The following PTPRQ variants were observed in gnomAD, a reference collection of about 807,000 sequenced individuals.
PTPRQ encodes the protein phosphatidylinositol phosphatase PTPRQ.
PTPRQ carries 199 observed loss-of-function variants against 246.0 expected under a neutral mutation model. The ratio of observed to expected loss-of-function variants is 0.81; its 90% CI spans 0.72 to 0.91. The LOEUF is 0.91. PTPRQ is among the 40% of genes least tolerant of loss of function. PTPRQ has a pLI of 0.00. For synonymous variants in PTPRQ, 869 were observed against 853.2 expected (o/e 1.02, Z -0.32); for missense variants, 2,624 against 2,528.4 (o/e 1.04, Z -0.81).
intron 3 of PTPRQ, among the ~76,000 whole-genome samples, chr12:80,457,213 C>A (rs1893008214): frequency 6.6e-6 from 1 of 151,884 alleles, no homozygotes; most frequent in African/African-American, 2.4e-5. Flanking sequence ...TATACATGGT[C>A]TCTTGCATTT....
intron 9 of PTPRQ, among the ~76,000 whole-genome samples, chr12:80,492,115 C>CAGAAAAGA (rs1894469175): frequency 6.6e-6 from 1 of 151,786 alleles, no homozygotes; most frequent in South Asian, 2.1e-4. Context: ...TTTAAAAGTA[C>CAGAAAAGA]AGAAAAGAGT....
chr12:80,524,059 G>A (rs537905332), intron 17 of PTPRQ, among the ~76,000 whole-genome samples: 4 of 152,286 alleles, frequency 2.6e-5, no homozygotes, highest in Admixed American at 1.3e-4. Flanking sequence ...TGTATTGAGT[G>A]CGTATATATT....
intron 33 of PTPRQ, among the ~76,000 whole-genome samples, chr12:80,623,632 A>T (rs1193119299): frequency 6.6e-6 from 1 of 152,170 alleles, no homozygotes; most frequent in Non-Finnish European, 1.5e-5. Flanking sequence ...TAAAAGACCT[A>T]GACAAGATAG....
At chr12:80,555,379 T>C (rs552695019) in intron 25 of PTPRQ, among the ~76,000 whole-genome samples, 1 of 152,262 alleles carries the variant, frequency 6.6e-6, no homozygotes, top group African/African-American at 2.4e-5. Context: ...TTAAATACAT[T>C]ACTTATATAT....
intron 17 of PTPRQ, among the ~76,000 whole-genome samples, chr12:80,532,893 G>GCA (rs761646470): frequency 6.6e-6 from 1 of 152,142 alleles, no homozygotes; most frequent in Non-Finnish European, 1.5e-5. Flanking sequence ...TTCTGTGGCA[G>GCA]TAAAACCATG....
At position 80,460,574 on chromosome 12, in the gene PTPRQ, A is replaced by C. The variant is rs139609196; in HGVS notation, c.661-79A>C. On this transcript the variant is annotated intron_variant, in intron 5 of 44. Transcript: ENST00000644991. ...GTATGTATAGCATAAAAGAAAAAGAAATGAATTACATGTTCTTATTCTTAT... is the reference window on the plus strand; with the variant it reads ...GTATGTATAGCATAAAAGAAAAAGACATGAATTACATGTTCTTATTCTTAT... 1,302 of 397,516 alleles carry C rather than the reference A, an allele frequency of 3.3e-3. 5 individuals carry two copies. The highest frequency in any genetic ancestry group is 3.8e-3 in the Non-Finnish European group (849 of 225,724). The allele number at this position is 397,516 out of a possible 1,614,324, so 24.6% of individuals were successfully genotyped here. A position where few individuals can be genotyped will look rare whatever the true frequency, so the allele number is the denominator to read the frequency against.
intron 43 of PTPRQ, among the ~76,000 whole-genome samples, chr12:80,677,621 A>C (rs996904815): frequency 6.6e-6 from 1 of 152,196 alleles, no homozygotes; most frequent in East Asian, 1.9e-4. Flanking sequence ...CGTTCCAGTA[A>C]TGAGATGTTC....
At chr12:80,650,630 G>A (rs1442412795) in intron 37 of PTPRQ, among the ~76,000 whole-genome samples, 1 of 151,828 alleles carries the variant, frequency 6.6e-6, no homozygotes, top group East Asian at 1.9e-4. Flanking sequence ...GGTATTTCCT[G>A]CAGCCTTTTG....
chr12:80,518,911 G>T (rs544191453), intron 17 of PTPRQ, among the ~76,000 whole-genome samples: 4 of 152,056 alleles, frequency 2.6e-5, no homozygotes, highest in Admixed American at 6.6e-5. Context: ...CAGATAATGC[G>T]ATTCCTCCAG....
chr12:80,616,074 C>A (rs1236988543), intron 29 of PTPRQ, 126 bp from the exon 30 acceptor site: 1 of 473,944 alleles, frequency 2.1e-6, no homozygotes, highest in Non-Finnish European at 2.9e-6. Context: ...TAACCATAAT[C>A]AGTTTTATAT....
At chr12:80,537,696 A>T (rs185778306) in intron 19 of PTPRQ, among the ~76,000 whole-genome samples, 1 of 152,302 alleles carries the variant, frequency 6.6e-6, no homozygotes, top group Admixed American at 6.5e-5. Flanking sequence ...GGCAATCCAT[A>T]TTGTTCTTCC....
intron 3 of PTPRQ, among the ~76,000 whole-genome samples, chr12:80,456,588 T>C (rs1473368844): frequency 6.6e-6 from 1 of 152,186 alleles, no homozygotes; most frequent in Admixed American, 6.5e-5. Context: ...CTTAGATCTA[T>C]TTTTATGGAG....
intron 25 of PTPRQ, chr12:80,583,811 T>C (rs1485717745): frequency 6.6e-6 from 1 of 152,222 alleles, no homozygotes; most frequent in African/African-American, 2.4e-5. Flanking sequence ...CATTTTCTTG[T>C]GTAACTCAGG....
At chr12:80,588,025 G>A in intron 25 of PTPRQ, 104 bp from the exon 26 acceptor site, 1 of 1,205,774 alleles carries the variant, frequency 8.3e-7, no homozygotes, top group Non-Finnish European at 1.1e-6. Context: ...ATAGTAATTT[G>A]ACAGATCTCT....
At chr12:80,595,611 A>G (rs938525762) in intron 26 of PTPRQ, among the ~76,000 whole-genome samples, 1 of 151,848 alleles carries the variant, frequency 6.6e-6, no homozygotes, top group Non-Finnish European at 1.5e-5. Flanking sequence ...CATGTGCACA[A>G]TGTGCAGGTT....
At chr12:80,479,805 T>A (rs1893968201) in intron 8 of PTPRQ, among the ~76,000 whole-genome samples, 3 of 152,074 alleles carry the variant, frequency 2.0e-5, no homozygotes, top group Admixed American at 6.5e-5. Flanking sequence ...GGTAAAGGGA[T>A]CAATTCAACA....
intron 43 of PTPRQ, among the ~76,000 whole-genome samples, chr12:80,678,206 CA>C (rs984378665): frequency 1.3e-5 from 2 of 152,174 alleles, no homozygotes; most frequent in African/African-American, 4.8e-5. Flanking sequence ...TCACAGATTT[CA>C]AAAGTAAATT....
At chr12:80,573,612 T>C (rs1897208579) in intron 25 of PTPRQ, among the ~76,000 whole-genome samples, 1 of 152,194 alleles carries the variant, frequency 6.6e-6, no homozygotes, top group Non-Finnish European at 1.5e-5. Context: ...TTCTATATCA[T>C]TTTATATGTT....
intron 26 of PTPRQ, among the ~76,000 whole-genome samples, chr12:80,597,385 C>T (rs1036720908): frequency 3.3e-5 from 5 of 151,910 alleles, no homozygotes; most frequent in African/African-American, 1.2e-4. Flanking sequence ...TCTAATGGAA[C>T]ACGCTGACCT....
Sources: gnomAD v4.1 joint callset for allele counts (sites outside exome capture counted in the v4.1 genomes callset) on GRCh38, gnomAD v4.1.1 for gene constraint, MANE v1.5 for transcripts, NCBI Gene and HGNC (gene_info 2026-07-23, HGNC 2026-07-21) for gene names.